Variants in CLSTN1 observed in about 807,000 individuals in gnomAD.
The protein encoded by CLSTN1 is calsyntenin 1, also known as calsyntenin-1.
In CLSTN1, 28 loss-of-function variants were observed where a neutral mutation model predicts 108.3. That is an observed-to-expected ratio of 0.26 (90% confidence interval 0.19 to 0.35). CLSTN1 has a LOEUF of 0.35. CLSTN1 is among the 10% of genes least tolerant of loss of function. The pLI is 1.00. For synonymous variants in CLSTN1, 524 were observed against 534.9 expected (o/e 0.98, Z 0.28); for missense variants, 1,157 against 1,302.6 (o/e 0.89, Z 1.72).
In CLSTN1 at chr1:9,775,517, T is replaced by C. The variant is rs909186091; in HGVS notation, c.92-2123A>G. On this transcript the variant is annotated intron_variant, in intron 1 of 18. Coordinates refer to ENST00000377298, the MANE Select transcript of CLSTN1 (RefSeq NM_001009566.3). ...CTGGGGCTCGGCTCCTAAGTGTCGATGTCAGACGTCCTCCTGGTAGCCATG... is the reference window on the plus strand; with the variant it reads ...CTGGGGCTCGGCTCCTAAGTGTCGACGTCAGACGTCCTCCTGGTAGCCATG... Among the ~76,000 whole-genome samples the C allele has an allele frequency of 1.2e-4, 18 of 152,180 alleles. 1 individual carries two copies. The highest frequency in any genetic ancestry group is 9.8e-4 in the Admixed American group (15 of 15,260).
At chr1:9,784,968 C>G (rs975088507) in intron 1 of CLSTN1, among the ~76,000 whole-genome samples, 3 of 150,426 alleles carry the variant, frequency 2.0e-5, no homozygotes, top group Non-Finnish European at 4.4e-5. Flanking sequence ...ATCTCTGGGT[C>G]TCTAAGTATT....
chr1:9,790,860 G>A (rs1308541973), intron 1 of CLSTN1, among the ~76,000 whole-genome samples: 16 of 151,052 alleles, frequency 1.1e-4, no homozygotes, highest in Non-Finnish European at 2.1e-4. Flanking sequence ...AGGGCCGGGC[G>A]CGGCGGCTCA....
intron 2 of CLSTN1, among the ~76,000 whole-genome samples, chr1:9,764,106 A>AGAGAGAGAGAGAG (rs1652209394): frequency 5.0e-5 from 6 of 120,778 alleles, no homozygotes; most frequent in African/African-American, 2.2e-4. Flanking sequence ...GGGAGAAAGA[A>AGAGAGAGAGAGAG]AGAGAGAGAG....
In CLSTN1 at chr1:9,823,715, G is replaced by C; in HGVS notation, c.19C>G (p.Pro7Ala). 1 of 1,096,444 alleles carries C rather than the reference G, an allele frequency of 9.1e-7. No homozygotes were observed. Among genetic ancestry groups the C allele is most frequent in the Non-Finnish European group, 1.1e-6 (1 of 902,406 alleles). 67.9% of individuals were successfully genotyped at this position (1,096,444 alleles called of 1,614,324 possible). A position where few individuals can be genotyped will look rare whatever the true frequency, so the allele number is the denominator to read the frequency against. Residue 7 changes from proline to alanine, a missense_variant, in exon 1 of 19, where the codon CCC (proline) becomes GCC (alanine). Physicochemically the swap from Pro to Ala is conservative, Grantham distance 27. Coordinates refer to ENST00000377298, the MANE Select transcript of CLSTN1 (RefSeq NM_001009566.3). The surrounding 1 kb of genome is among the most constrained non-coding windows in gnomAD (Gnocchi z 6.3). Reference protein sequence around the residue: MLRRPAPALAPAARLLL... With the variant: MLRRPAAALAPAARLLL... The stretch of plus-strand genomic sequence containing the variant: ...AGCCGGGCGGCCGGGGCCAGCGCGG[G>C]AGCGGGGCGGCGCAGCATCGCCAGC...
At position 9,794,348 on chromosome 1, in the gene CLSTN1, G is replaced by A. The variant is rs766611762; in HGVS notation, c.92-20954C>T. 6.6e-5 allele frequency among the ~76,000 whole-genome samples: 10 copies of A among 151,310 alleles called. 1 individual carries two copies. Among genetic ancestry groups the A allele is most frequent in the Admixed American group, 2.7e-4 (4 of 14,912 alleles). ...GTTTGAGATTGAGTCTCCCTCTGTC[G>A]TCCAGGCTGGAGTGCAGTCACGCAA... On this transcript the variant is annotated intron_variant, in intron 1 of 18. Coordinates refer to ENST00000377298, the MANE Select transcript of CLSTN1 (RefSeq NM_001009566.3).
chr1:9,730,716 G>C lies in CLSTN1; in HGVS notation c.2749-11C>G. The C allele has an allele frequency of 6.3e-7, 1 of 1,588,524 alleles. No individual in the cohort carries two copies. Among genetic ancestry groups the C allele is most frequent in the Non-Finnish European group, 8.5e-7 (1 of 1,170,524 alleles). Reference sequence around the variant, plus strand: ...CTGGTCCTCATAGGTCTGGCAAGGAGAAGTGACGGCCACATGAGTCCGGCC... The same window carrying C: ...CTGGTCCTCATAGGTCTGGCAAGGACAAGTGACGGCCACATGAGTCCGGCC... On this transcript the variant is annotated splice_polypyrimidine_tract_variant and intron_variant, in intron 18 of 18. Coordinates refer to ENST00000377298, the MANE Select transcript of CLSTN1 (RefSeq NM_001009566.3). This position sits in a 1 kb window ranked among gnomAD's most constrained non-coding sequence, Gnocchi z 5.6.
chr1:9,805,383 G>T (rs1251862151), intron 1 of CLSTN1, among the ~76,000 whole-genome samples: 1 of 152,084 alleles, frequency 6.6e-6, no homozygotes, highest in African/African-American at 2.4e-5. Flanking sequence ...AATCCCCAAA[G>T]CTCTCTCTTT....
chr1:9,807,938 C>T (rs1056833632), intron 1 of CLSTN1, among the ~76,000 whole-genome samples: 4 of 152,256 alleles, frequency 2.6e-5, no homozygotes, highest in African/African-American at 9.6e-5. Flanking sequence ...GGCCTCCTAG[C>T]CCCTTCATCC....
chr1:9,818,310 G>A (rs1365541404), intron 1 of CLSTN1, among the ~76,000 whole-genome samples: 2 of 150,514 alleles, frequency 1.3e-5, no homozygotes, highest in Non-Finnish European at 3.0e-5. Context: ...ATGCCTGGCC[G>A]TTTGGGTTTT....
chr1:9,768,248 C>T (rs551409225), intron 2 of CLSTN1, among the ~76,000 whole-genome samples: 1 of 94,078 alleles, frequency 1.1e-5, no homozygotes, highest in South Asian at 3.8e-4. Context: ...GTTCTGTGTT[C>T]GGTAGCACCA....
chr1:9,817,194 C>T (rs1013132444), intron 1 of CLSTN1, among the ~76,000 whole-genome samples: 27 of 152,114 alleles, frequency 1.8e-4, no homozygotes, highest in African/African-American at 6.5e-4. Context: ...CAGTGAGACG[C>T]CACTTCTATT....
intron 1 of CLSTN1, among the ~76,000 whole-genome samples, chr1:9,812,478 G>C (rs1654800245): frequency 6.6e-6 from 1 of 152,136 alleles, no homozygotes; most frequent in African/African-American, 2.4e-5. Context: ...CTGTCATCTA[G>C]TTTTATCAAT....
intron 2 of CLSTN1, among the ~76,000 whole-genome samples, chr1:9,762,442 C>G (rs907914578): frequency 2.0e-5 from 3 of 148,710 alleles, no homozygotes; most frequent in African/African-American, 7.6e-5. Context: ...GCCTAGGCGA[C>G]AGAGCGAGAC....
chr1:9,740,645 G>A (rs973107466), intron 10 of CLSTN1, among the ~76,000 whole-genome samples: 25 of 152,100 alleles, frequency 1.6e-4, no homozygotes, highest in African/African-American at 5.3e-4. Flanking sequence ...CAGAGCCCTC[G>A]CAGCCCTCCT....
At chr1:9,755,945 GAC>G (rs1651785168) in intron 3 of CLSTN1, among the ~76,000 whole-genome samples, 1 of 152,180 alleles carries the variant, frequency 6.6e-6, no homozygotes, top group African/African-American at 2.4e-5. Context: ...CTACGATTCA[GAC>G]ACAGTTTCTA....
At chr1:9,800,726 T>C (rs553739029) in intron 1 of CLSTN1, among the ~76,000 whole-genome samples, 2 of 123,644 alleles carry the variant, frequency 1.6e-5, no homozygotes, top group Admixed American at 1.6e-4. Flanking sequence ...TGAGATTCCA[T>C]CTCAAAAAAA....
intron 1 of CLSTN1, among the ~76,000 whole-genome samples, chr1:9,801,174 G>A (rs1474390588): frequency 6.6e-5 from 10 of 151,974 alleles, no homozygotes; most frequent in East Asian, 5.8e-4. Flanking sequence ...TGACCCAGGC[G>A]GCGGAGGTTG....
intron 11 of CLSTN1, 111 bp from the exon 12 acceptor site, chr1:9,736,153 C>T (rs531724004): frequency 4.7e-6 from 6 of 1,288,562 alleles, no homozygotes; most frequent in Middle Eastern, 1.9e-4. Flanking sequence ...GATGGACATG[C>T]GGGTTAGTTC....
At position 9,758,270 on chromosome 1, in the gene CLSTN1, G is replaced by A. The variant is rs150242690; in HGVS notation, c.215-1760C>T. ...GGCCTCCCAAAGTGCTGGGATTACAGGCGTGAGCCACTGCGCCCAGCCCAC... is the reference window on the plus strand; with the variant it reads ...GGCCTCCCAAAGTGCTGGGATTACAAGCGTGAGCCACTGCGCCCAGCCCAC... On this transcript the variant is annotated intron_variant, in intron 2 of 18. Coordinates refer to ENST00000377298, the MANE Select transcript of CLSTN1 (RefSeq NM_001009566.3). 4.8e-3 allele frequency among the ~76,000 whole-genome samples: 725 copies of A among 152,110 alleles called. 2 individuals carry two copies. The highest frequency in any genetic ancestry group is 0.016 in the African/African-American group (651 of 41,494).
Sources: allele counts gnomAD v4.1 joint callset (sites outside exome capture counted in the v4.1 genomes callset), GRCh38; gene constraint gnomAD v4.1.1; non-coding constraint Gnocchi (gnomAD v3.1); transcripts MANE v1.5; gene names NCBI Gene and HGNC (gene_info 2026-07-23, HGNC 2026-07-21).